MGAT4C: variants seen among roughly 807,000 people sequenced by gnomAD.
MGAT4C encodes the protein alpha-1,3-mannosyl-glycoprotein 4-beta-N-acetylglucosaminyltransferase C.
A neutral mutation model predicts 40.1 loss-of-function variants in MGAT4C; 19 were observed. That is an observed-to-expected ratio of 0.47 (90% CI 0.33 to 0.70). The LOEUF is 0.70. Ranked by LOEUF, MGAT4C falls within the 30% of genes least tolerant of loss-of-function variation. MGAT4C has a pLI of 0.02. For synonymous variants in MGAT4C, 181 were observed against 187.1 expected, an observed-to-expected ratio of 0.97 and a Z score of 0.27; for missense variants, 491 against 563.2, an observed-to-expected ratio of 0.87 and a Z score of 1.30.
At chr12:86,778,524 T>C (rs1951780788) in intron 1 of MGAT4C, among the ~76,000 whole-genome samples, 1 of 152,156 alleles carries the variant, frequency 6.6e-6, no homozygotes, top group Non-Finnish European at 1.5e-5. Context: ...TGAGCAAAGA[T>C]GGCCTAGTTT....
chr12:86,352,390 AAAAT>A (rs1955181305), intron 3 of MGAT4C, among the ~76,000 whole-genome samples: 1 of 152,122 alleles, frequency 6.6e-6, no homozygotes, highest in Non-Finnish European at 1.5e-5. Flanking sequence ...AAAGCACAGT[AAAAT>A]AATTCTCCTT....
At chr12:86,330,642 G>A (rs867995309) in intron 4 of MGAT4C, among the ~76,000 whole-genome samples, 29 of 152,226 alleles carry the variant, frequency 1.9e-4, no homozygotes, top group Middle Eastern at 3.4e-3. Context: ...GGATCTGTGT[G>A]ATAGTCTTAT....
intron 4 of MGAT4C, among the ~76,000 whole-genome samples, chr12:86,300,878 G>A (rs950193187): frequency 6.6e-6 from 1 of 152,052 alleles, no homozygotes; most frequent in African/African-American, 2.4e-5. Context: ...TCGATTAGGA[G>A]TATTTATAAG....
At chr12:86,237,615 A>G (rs1304733589) in intron 1 of MGAT4C, among the ~76,000 whole-genome samples, 2 of 151,842 alleles carry the variant, frequency 1.3e-5, no homozygotes, top group African/African-American at 4.8e-5. Flanking sequence ...TCATATCTCT[A>G]TGGAAATTAA....
chr12:86,147,159 T>C (rs1339664448), intron 1 of MGAT4C, among the ~76,000 whole-genome samples: 2 of 152,184 alleles, frequency 1.3e-5, no homozygotes, highest in Non-Finnish European at 2.9e-5. Flanking sequence ...GTTGGACCCA[T>C]ATATGTCTTA....
intron 3 of MGAT4C, among the ~76,000 whole-genome samples, chr12:86,372,745 G>C (rs534386140): frequency 6.6e-6 from 1 of 151,760 alleles, no homozygotes; most frequent in Admixed American, 6.6e-5. Context: ...ATATTCAATT[G>C]CAATAGCTTG....
Position 86,139,464 on chromosome 12 carries a change from A to T in MGAT4C, c.-56-89741T>A, listed in dbSNP as rs192052348. Among the ~76,000 whole-genome samples, 45 of 152,168 alleles carry T rather than the reference A, an allele frequency of 3.0e-4. 1 individual carries two copies. In the East Asian group the frequency reaches 8.1e-3, roughly 27 times the overall value. On this transcript the variant is annotated intron_variant, in intron 1 of 4. Coordinates refer to ENST00000611864, the MANE Select transcript of MGAT4C (RefSeq NM_001351288.2). ...TCTATGACAACTTTTTTCACTCAAA[A>T]TTATGTTCCTTATCTTCATATATGT...
intron 2 of MGAT4C, among the ~76,000 whole-genome samples, chr12:86,531,718 A>T (rs1474190112): frequency 6.6e-6 from 1 of 151,930 alleles, no homozygotes; most frequent in Non-Finnish European, 1.5e-5. Context: ...TCATGTTTGC[A>T]GATTTTTTGT....
intron 3 of MGAT4C, among the ~76,000 whole-genome samples, chr12:86,369,963 A>AT (rs1224462066): frequency 1.3e-5 from 2 of 151,628 alleles, no homozygotes; most frequent in African/African-American, 4.8e-5. Flanking sequence ...TTCCTTTTCT[A>AT]TTTTTTTAGT....
chr12:86,747,438 T>C (rs1951168810), intron 1 of MGAT4C, among the ~76,000 whole-genome samples: 1 of 151,602 alleles, frequency 6.6e-6, no homozygotes, highest in Non-Finnish European at 1.5e-5. Context: ...TAATTCATAT[T>C]AAACTAGCTA....
At chr12:86,083,380 C>A (rs1871201970) in intron 1 of MGAT4C, among the ~76,000 whole-genome samples, 1 of 152,028 alleles carries the variant, frequency 6.6e-6, no homozygotes, top group African/African-American at 2.4e-5. Flanking sequence ...CACTATTTGG[C>A]TTAAAAGTGT....
intron 4 of MGAT4C, among the ~76,000 whole-genome samples, chr12:86,318,126 T>C (rs1458859327): frequency 1.3e-5 from 2 of 152,118 alleles, no homozygotes; most frequent in South Asian, 2.1e-4. Context: ...AAACAAATTA[T>C]AAAGTAGAAA....
At chr12:86,665,651 G>A (rs149973393) in intron 2 of MGAT4C, among the ~76,000 whole-genome samples, 13,003 of 152,116 alleles carry the variant, frequency 0.085, 895 homozygotes, top group African/African-American at 0.19. Flanking sequence ...GATTACAGGC[G>A]TGAGCCACCG....
At chr12:86,663,407 G>T (rs948134349) in intron 2 of MGAT4C, among the ~76,000 whole-genome samples, 15 of 136,906 alleles carry the variant, frequency 1.1e-4, no homozygotes, top group African/African-American at 4.2e-4. Flanking sequence ...AAAAGAAAAA[G>T]TAAAAGAAAG....
chr12:86,711,309 C>T (rs1422216928), intron 2 of MGAT4C, among the ~76,000 whole-genome samples: 1 of 151,960 alleles, frequency 6.6e-6, no homozygotes, highest in Non-Finnish European at 1.5e-5. Context: ...AAAGTCTGTA[C>T]CTGGCGCTCC....
intron 2 of MGAT4C, among the ~76,000 whole-genome samples, chr12:86,489,329 T>A (rs374658016): frequency 1.3e-5 from 2 of 152,256 alleles, no homozygotes; most frequent in East Asian, 3.9e-4. Context: ...ATTCTCTACA[T>A]TCATCACCTT....
intron 2 of MGAT4C, among the ~76,000 whole-genome samples, chr12:85,998,005 C>T (rs1886826769): frequency 6.6e-6 from 1 of 152,224 alleles, no homozygotes. Context: ...CCTGCCCCTG[C>T]AGCAAACTTC....
intron 1 of MGAT4C, among the ~76,000 whole-genome samples, chr12:86,169,553 A>G (rs1886573356): frequency 6.6e-6 from 1 of 152,172 alleles, no homozygotes; most frequent in South Asian, 2.1e-4. Context: ...CATATCCAAC[A>G]ATTTATTCTA....
chr12:86,801,591 G>T (rs1952226579), intron 1 of MGAT4C, among the ~76,000 whole-genome samples: 1 of 151,766 alleles, frequency 6.6e-6, no homozygotes, highest in Non-Finnish European at 1.5e-5. Flanking sequence ...GAGGGCTAAG[G>T]TGAAGGGGAG....
Sources: allele counts gnomAD v4.1 joint callset (sites outside exome capture counted in the v4.1 genomes callset), GRCh38; gene constraint gnomAD v4.1.1; transcripts MANE v1.5; gene names NCBI Gene and HGNC (gene_info 2026-07-23, HGNC 2026-07-21).